Variants in CRHBP observed in about 807,000 individuals in gnomAD.
The protein encoded by CRHBP is corticotropin releasing hormone binding protein.
A neutral mutation model predicts 34.9 loss-of-function variants in CRHBP; 19 were observed. The ratio of observed to expected loss-of-function variants is 0.55; its 90% confidence interval spans 0.38 to 0.80. CRHBP has a LOEUF of 0.80. CRHBP is among the 30% of genes least tolerant of loss of function. CRHBP has a pLI of 0.00. For missense variants in CRHBP, 328 were observed against 409.2 expected, an observed-to-expected ratio of 0.80 and a Z score of 1.71; for synonymous variants, 154 against 153.4, an observed-to-expected ratio of 1.00 and a Z score of -0.03.
At chr5:76,963,622 A>G (rs1365427067) in intron 6 of CRHBP, among the ~76,000 whole-genome samples, 162 bp downstream of exon 6, 5 of 152,220 alleles carry the variant, frequency 3.3e-5, no homozygotes, top group Non-Finnish European at 7.3e-5. Context: ...TAACATCAGT[A>G]TCTTTACCAA....
intron 5 of CRHBP, among the ~76,000 whole-genome samples, chr5:76,960,365 T>C (rs1406955264): frequency 1.3e-5 from 2 of 152,038 alleles, no homozygotes; most frequent in Non-Finnish European, 2.9e-5. Flanking sequence ...AAGAGGAGGA[T>C]TGGCATAAAA....
chr5:76,971,640 A>G (rs527591842), downstream of CRHBP, among the ~76,000 whole-genome samples: 1 of 152,284 alleles, frequency 6.6e-6, no homozygotes, highest in South Asian at 2.1e-4. Context: ...TATCTAATTC[A>G]CACACATCTC....
chr5:76,959,725 G>A (rs966349959), intron 5 of CRHBP, among the ~76,000 whole-genome samples: 2 of 152,160 alleles, frequency 1.3e-5, no homozygotes, highest in Admixed American at 6.5e-5. Context: ...ATGGACTAGT[G>A]CCTGCTTTTT....
At chr5:76,956,517 C>T (rs1745670914) in intron 4 of CRHBP, among the ~76,000 whole-genome samples, 2 of 152,124 alleles carry the variant, frequency 1.3e-5, no homozygotes, top group African/African-American at 4.8e-5. Flanking sequence ...AGGCGGATCA[C>T]GAGGTCAGGA....
chr5:76,971,430 T>G (rs1486426732), downstream of CRHBP, among the ~76,000 whole-genome samples: 1 of 152,252 alleles, frequency 6.6e-6, no homozygotes, highest in Non-Finnish European at 1.5e-5. Context: ...TATGCCATTC[T>G]GGGTCCTCCG....
intron 1 of CRHBP, 58 bp from the exon 2 acceptor site, chr5:76,953,543 T>C: frequency 6.6e-7 from 1 of 1,516,590 alleles, no homozygotes; most frequent in Non-Finnish European, 9.0e-7. Flanking sequence ...CCGCTCCTGG[T>C]CCCCTTTTTT....
intron 5 of CRHBP, 164 bp from the exon 6 acceptor site, chr5:76,963,179 C>G: frequency 1.7e-6 from 1 of 592,768 alleles, no homozygotes; most frequent in Non-Finnish European, 3.0e-6. Flanking sequence ...GATTTTTTCT[C>G]TTTTAAATGT....
chr5:76,970,634 GT>G (rs1395568063), downstream of CRHBP, among the ~76,000 whole-genome samples: 1 of 152,158 alleles, frequency 6.6e-6, no homozygotes, highest in Admixed American at 6.5e-5. Context: ...GAAGCAGGAG[GT>G]TGAACCCTTT....
downstream of CRHBP, among the ~76,000 whole-genome samples, chr5:76,974,327 T>C (rs1745990461): frequency 6.6e-6 from 1 of 151,098 alleles, no homozygotes; most frequent in African/African-American, 2.4e-5. Flanking sequence ...AAATTTTGTA[T>C]TTTTAGTAGA....
At chr5:76,954,306 C>T in intron 3 of CRHBP, 120 bp downstream of exon 3, 1 of 1,232,692 alleles carries the variant, frequency 8.1e-7, no homozygotes, top group South Asian at 1.5e-5. Flanking sequence ...ACTTCTTAGA[C>T]ACTTCGCTGG....
intron 4 of CRHBP, 21 bp downstream of exon 4, chr5:76,955,884 G>A (rs779649278): frequency 3.0e-5 from 48 of 1,608,218 alleles, no homozygotes; most frequent in Non-Finnish European, 4.0e-5. Flanking sequence ...TCAGTCAAAA[G>A]GCAGAACTTC....
In CRHBP at chr5:76,967,237, G is replaced by T. The variant is rs1234702058; in HGVS notation, c.812-1491G>T. Among the ~76,000 whole-genome samples the T allele has an allele frequency of 3.3e-5, 5 of 151,792 alleles. No homozygotes were observed. In the East Asian group the frequency reaches 9.6e-4, roughly 29 times the overall value. On this transcript the variant is annotated intron_variant, in intron 6 of 6. Transcript: ENST00000274368. Reference sequence around the variant, plus strand: ...AGCCTGGATGACAGAGCAAGATCCTGCCACAAAAAAAAGAAAGGAAAGGAA... The same window carrying T: ...AGCCTGGATGACAGAGCAAGATCCTTCCACAAAAAAAAGAAAGGAAAGGAA...
intron 2 of CRHBP, among the ~76,000 whole-genome samples, chr5:76,975,772 C>G (rs1337510284): frequency 3.0e-5 from 4 of 134,344 alleles, no homozygotes; most frequent in Non-Finnish European, 4.6e-5. Flanking sequence ...CCACTGCACT[C>G]CAGCCTGGGC....
rs1161923963 is a variant in CRHBP at position 76,968,840 on chromosome 5, C to T, written c.924C>T (p.Asn308=). Reference sequence around the variant, plus strand: ...AGCTGGAGCCGTACGAGCTGGAAAACCCAAATGGAAACAGTATCGGGGAAT... The same window carrying T: ...AGCTGGAGCCGTACGAGCTGGAAAATCCAAATGGAAACAGTATCGGGGAAT... ...YRQLEPYELE[N]PNGNSIGEFC... Residue 308 remains asparagine (N), a synonymous_variant, in exon 7 of 7, where the codon AAC becomes AAT. Coordinates refer to ENST00000274368, the MANE Select transcript of CRHBP (RefSeq NM_001882.4). 3 of 1,614,092 alleles carry T rather than the reference C, an allele frequency of 1.9e-6. No individual in the cohort carries two copies. The highest frequency in any genetic ancestry group is 2.5e-6 in the Non-Finnish European group (3 of 1,179,970).
chr5:76,953,904 G>A, intron 2 of CRHBP, 125 bp from the exon 3 acceptor site: 6 of 1,294,374 alleles, frequency 4.6e-6, no homozygotes, highest in Non-Finnish European at 4.1e-6. Context: ...GCGCAGCCTA[G>A]GCTGGAAGTC....
chr5:76,980,515 ATTCCAT>A lies in CRHBP; in HGVS notation n.468-440_468-435del, dbSNP rs954379004. Among the ~76,000 whole-genome samples, 49 of 152,340 alleles carry A rather than the reference ATTCCAT, an allele frequency of 3.2e-4. 1 individual carries two copies. The highest frequency in any genetic ancestry group is 1.0e-3 in the African/African-American group (43 of 41,582). ...TGTCTGAAGATTTTGTAACAAATCAATTCCATTTCCAACTCTCAGAATGGCCTAATG... is the reference window on the plus strand; with the variant it reads ...TGTCTGAAGATTTTGTAACAAATCAATTCCAACTCTCAGAATGGCCTAATG... On this transcript the variant is annotated intron_variant and non_coding_transcript_variant, in intron 3 of 3. Coordinates refer to the CRHBP transcript ENST00000514258.
chr5:76,978,408 G>A (rs1746071997), intron 3 of CRHBP, among the ~76,000 whole-genome samples: 1 of 152,162 alleles, frequency 6.6e-6, no homozygotes, highest in South Asian at 2.1e-4. Context: ...AAAATCCTAG[G>A]GCCCTTAAGA....
rs1191324276 is a variant in CRHBP, at chr5:76,954,054, G to C, written c.201G>C (p.Gln67His). 6.2e-7 allele frequency: 1 copy of C among 1,613,872 alleles called. No homozygotes were observed. The highest frequency in any genetic ancestry group is 8.5e-7 in the Non-Finnish European group (1 of 1,179,922). The change falls in exon 3 of 7, where the codon CAG becomes CAC. Residue 67 changes from glutamine to histidine, a missense_variant. Around this residue, in one of 3 missense-constraint regions of CRHBP, gnomAD observed 173 missense variants for 172.2 expected, o/e 1.00. Coordinates refer to ENST00000274368, the MANE Select transcript of CRHBP (RefSeq NM_001882.4). ...GGTGCCTGGACATGCTGAGCCTCCA[G>C]GGCCAGTTCACCTTCACCGCCGACC... Reference protein sequence around the residue: ...ALRCLDMLSLQGQFTFTADRP... With the variant: ...ALRCLDMLSLHGQFTFTADRP...
intron 6 of CRHBP, among the ~76,000 whole-genome samples, chr5:76,964,754 G>C (rs1370910166): frequency 6.6e-6 from 1 of 152,160 alleles, no homozygotes; most frequent in Non-Finnish European, 1.5e-5. Flanking sequence ...TACTTAGGAG[G>C]CTGAAGCAGG....
Sources: gnomAD v4.1 joint callset for allele counts (sites outside exome capture counted in the v4.1 genomes callset) on GRCh38, gnomAD v4.1.1 for gene constraint, gnomAD v4.1.1 regional missense constraint, MANE v1.5 for transcripts, NCBI Gene and HGNC (gene_info 2026-07-23, HGNC 2026-07-21) for gene names.